Variants in PCNX2 observed in about 807,000 individuals in gnomAD.
PCNX2 encodes the protein pecanex 2.
In PCNX2, 168 loss-of-function variants were observed where a neutral mutation model predicts 223.8. The ratio of observed to expected loss-of-function variants is 0.75; its 90% confidence interval spans 0.66 to 0.85. The LOEUF (loss-of-function observed/expected upper bound fraction) is 0.85. Ranked by LOEUF, PCNX2 falls within the 40% of genes least tolerant of loss-of-function variation. The probability of loss-of-function intolerance (pLI) is 0.00; values close to 1 mark genes in which losing one functional copy is unlikely to be tolerated. For synonymous variants in PCNX2, 1,006 were observed against 1,052.6 expected, an observed-to-expected ratio of 0.96 and a Z score of 0.86; for missense variants, 2,507 against 2,675.5, an observed-to-expected ratio of 0.94 and a Z score of 1.39.
Position 233,098,803 on chromosome 1 carries a change from A to G in PCNX2, c.3838-2940T>C, listed in dbSNP as rs540086527. 6.6e-5 allele frequency among the ~76,000 whole-genome samples: 10 copies of G among 152,172 alleles called. No individual in the cohort carries two copies. In the South Asian group the frequency reaches 1.5e-3, roughly 22 times the overall value. ...CTGCCTGAGTTTGAATCCCACCTCTACCTCTGGTCATATATTTCTGGATCT... is the reference window on the plus strand; with the variant it reads ...CTGCCTGAGTTTGAATCCCACCTCTGCCTCTGGTCATATATTTCTGGATCT... On this transcript the variant is annotated intron_variant, in intron 21 of 33. Coordinates refer to ENST00000258229, the MANE Select transcript of PCNX2 (RefSeq NM_014801.4).
intron 32 of PCNX2, among the ~76,000 whole-genome samples, chr1:232,995,825 C>T (rs556637960): frequency 1.3e-5 from 2 of 152,248 alleles, no homozygotes; most frequent in South Asian, 4.1e-4. Flanking sequence ...CAGGCAAGGC[C>T]AGTTCCAGGT....
At chr1:233,127,142 T>C (rs1178414642) in intron 21 of PCNX2, among the ~76,000 whole-genome samples, 2 of 152,170 alleles carry the variant, frequency 1.3e-5, no homozygotes, top group Non-Finnish European at 2.9e-5. Context: ...ATTTCCAAAA[T>C]GCAATTCTGA....
chr1:233,145,121 C>T (rs182370979), intron 19 of PCNX2, among the ~76,000 whole-genome samples: 26 of 151,952 alleles, frequency 1.7e-4, no homozygotes, highest in Middle Eastern at 3.4e-3. Flanking sequence ...CCTGCCACCA[C>T]GCCCGGCTAA....
In PCNX2 at chr1:232,999,817, A is replaced by G. The variant is rs1012197709; in HGVS notation, c.5329-438T>C. The stretch of plus-strand genomic sequence containing the variant: ...TTTTCACAGTTAAGCCAGAAGAGCC[A>G]TCCTGCAAGACGGATATGATGCCAT... On this transcript the variant is annotated intron_variant, in intron 30 of 33. Coordinates refer to ENST00000258229, the MANE Select transcript of PCNX2 (RefSeq NM_014801.4). Among the ~76,000 whole-genome samples the G allele has an allele frequency of 4.6e-5, 7 of 152,212 alleles. No homozygotes were observed. The South Asian group carries it at 1.0e-3, about 23-fold the overall frequency.
chr1:233,081,527 C>T (rs1035567168), intron 23 of PCNX2, among the ~76,000 whole-genome samples: 1 of 152,036 alleles, frequency 6.6e-6, no homozygotes, highest in African/African-American at 2.4e-5. Context: ...AGAACCAGGC[C>T]GGGGCCATGG....
At chr1:233,289,383 C>G (rs1272079646) in intron 1 of PCNX2, 1 of 1,327,380 alleles carries the variant, frequency 7.5e-7, no homozygotes, top group African/African-American at 1.4e-5. Flanking sequence ...CTGGGAGATG[C>G]GGGACTCGAA....
chr1:233,128,685 G>A (rs1429278576), intron 21 of PCNX2, among the ~76,000 whole-genome samples: 1 of 152,156 alleles, frequency 6.6e-6, no homozygotes, highest in Non-Finnish European at 1.5e-5. Flanking sequence ...TCATGAAAGA[G>A]TATTTGTCAT....
intron 10 of PCNX2, among the ~76,000 whole-genome samples, chr1:233,225,600 A>G (rs1350386371): frequency 6.6e-6 from 1 of 152,226 alleles, no homozygotes; most frequent in Non-Finnish European, 1.5e-5. Flanking sequence ...TGAAAACATA[A>G]GCTTTTAAAA....
chr1:233,041,385 G>A (rs1356980526), intron 25 of PCNX2, among the ~76,000 whole-genome samples: 1 of 152,168 alleles, frequency 6.6e-6, no homozygotes, highest in Non-Finnish European at 1.5e-5. Flanking sequence ...GATGCCGCAA[G>A]TGAAAAATTC....
At chr1:233,217,772 T>C in intron 12 of PCNX2, 127 bp downstream of exon 12, 1 of 923,630 alleles carries the variant, frequency 1.1e-6, no homozygotes. Flanking sequence ...ATATATTTGA[T>C]ATTTCTATTT....
chr1:233,055,865 G>A (rs542210788), intron 24 of PCNX2, among the ~76,000 whole-genome samples: 45 of 152,278 alleles, frequency 3.0e-4, no homozygotes, highest in African/African-American at 1.0e-3. Context: ...CAAAATCAGG[G>A]TGCGGAAGGC....
chr1:233,215,323 C>T (rs1290127748), intron 12 of PCNX2, among the ~76,000 whole-genome samples: 1 of 152,186 alleles, frequency 6.6e-6, no homozygotes, highest in Non-Finnish European at 1.5e-5. Context: ...AAATCAGAGA[C>T]TAATCTACTT....
intron 32 of PCNX2, among the ~76,000 whole-genome samples, chr1:232,987,495 C>T (rs1036948450): frequency 6.6e-6 from 1 of 152,150 alleles, no homozygotes; most frequent in Non-Finnish European, 1.5e-5. Flanking sequence ...GTTCTATGAA[C>T]GGCATCATGG....
At position 233,090,025 on chromosome 1, in the gene PCNX2, G is replaced by C. The variant is rs372199407; in HGVS notation, c.4076+36C>G. 3 of 1,612,200 alleles carry C rather than the reference G, an allele frequency of 1.9e-6. No individual in the cohort carries two copies. In the African/African-American group the frequency reaches 4.0e-5, roughly 22 times the overall value. Reference sequence around the variant, plus strand: ...GAGGAGCCTTCTGAAGTGCAAACTGGAGAAAAGCAATTGAGCACTGATTTT... The same window carrying C: ...GAGGAGCCTTCTGAAGTGCAAACTGCAGAAAAGCAATTGAGCACTGATTTT... On this transcript the variant is annotated intron_variant, in intron 23 of 33. Coordinates refer to ENST00000258229, the MANE Select transcript of PCNX2 (RefSeq NM_014801.4).
At chr1:233,210,208 T>A (rs547889860) in intron 12 of PCNX2, among the ~76,000 whole-genome samples, 1 of 152,262 alleles carries the variant, frequency 6.6e-6, no homozygotes, top group Admixed American at 6.5e-5. Context: ...TGTTACTGCT[T>A]TACCACATTT....
chr1:232,986,293 G>T lies in PCNX2; in HGVS notation c.6039C>A (p.Ala2013=), dbSNP rs375933941. Reference sequence around the variant, plus strand: ...CCAGGCTGGACCTGATGAGCGCCTCGGCCCGCTCACGGACACTCAGGTGGC... The same window carrying T: ...CCAGGCTGGACCTGATGAGCGCCTCTGCCCGCTCACGGACACTCAGGTGGC... ...TTGHLSVRER[A]EALIRSSLGS... is the part of the protein sequence containing the mutation. The change falls in exon 33 of 34, where the codon GCC becomes GCA. Residue 2013 remains alanine (A), a synonymous_variant. Transcript: ENST00000258229. 259 of 1,568,584 alleles carry T rather than the reference G, an allele frequency of 1.7e-4. No homozygotes were observed. In the African/African-American group the frequency reaches 2.9e-3, roughly 17 times the overall value.
At chr1:232,995,161 A>C (rs947375608) in intron 32 of PCNX2, among the ~76,000 whole-genome samples, 1 of 152,164 alleles carries the variant, frequency 6.6e-6, no homozygotes, top group African/African-American at 2.4e-5. Flanking sequence ...GGATGCTGTG[A>C]ATACACCGGG....
At chr1:233,072,644 T>C (rs892694094) in intron 23 of PCNX2, among the ~76,000 whole-genome samples, 9 of 152,246 alleles carry the variant, frequency 5.9e-5, no homozygotes, top group African/African-American at 1.9e-4. Context: ...TCTGGATCAA[T>C]TGAAATGGTC....
At chr1:232,996,655 C>T (rs936232661) in intron 32 of PCNX2, among the ~76,000 whole-genome samples, 1 of 152,292 alleles carries the variant, frequency 6.6e-6, no homozygotes, top group South Asian at 2.1e-4. Flanking sequence ...TATCTAGCAT[C>T]TGTGGAAGGA....
Sources: gnomAD v4.1 joint callset for allele counts (sites outside exome capture counted in the v4.1 genomes callset) on GRCh38, gnomAD v4.1.1 for gene constraint, MANE v1.5 for transcripts, NCBI Gene and HGNC (gene_info 2026-07-23, HGNC 2026-07-21) for gene names.